TXNL4A: variants seen among roughly 807,000 people sequenced by gnomAD.
The protein encoded by TXNL4A is thioredoxin-like protein 4A.
TXNL4A carries 17 observed loss-of-function variants against 14.6 expected under a neutral mutation model. That is an observed-to-expected ratio of 1.16 (90% confidence interval 0.80 to 1.74). The LOEUF is 1.74. Ranked by LOEUF, TXNL4A falls within the 40% of genes most tolerant of loss-of-function variation. TXNL4A has a pLI of 0.00. For missense variants in TXNL4A, 74 were observed against 195.2 expected (o/e 0.38, Z 3.70); for synonymous variants, 83 against 70.6 (o/e 1.18, Z -0.88).
At chr18:79,985,996 A>G (rs1197457362) in intron 1 of TXNL4A, 1 of 152,206 alleles carries the variant, frequency 6.6e-6, no homozygotes, top group Non-Finnish European at 1.5e-5. Context: ...ATAGACTAAG[A>G]AGAAAATAAA....
chr18:80,026,461 T>G (rs1417693254), intron 1 of TXNL4A, among the ~76,000 whole-genome samples: 1 of 152,108 alleles, frequency 6.6e-6, no homozygotes, highest in Non-Finnish European at 1.5e-5. Context: ...TACAGGAGTT[T>G]CACGTCTCCA....
chr18:80,021,211 C>T lies in TXNL4A; in HGVS notation c.-61+12640G>A, dbSNP rs570317488. ...TTTTTTTTTGAGATGGAGTCTTGCT[C>T]TGTTGCCCAGGCTGGACTACAGTGC... On this transcript the variant is annotated intron_variant, in intron 1 of 2. Transcript: ENST00000585474. Among the ~76,000 whole-genome samples, 8 of 151,068 alleles carry T rather than the reference C, an allele frequency of 5.3e-5. No homozygotes were observed. In the East Asian group the frequency reaches 1.6e-3, roughly 29 times the overall value.
chr18:79,976,650 C>T (rs564114276), intron 2 of TXNL4A: 3 of 380,480 alleles, frequency 7.9e-6, no homozygotes, highest in East Asian at 8.1e-5. Flanking sequence ...CTGCTCAATG[C>T]GTGCTAATTT....
chr18:79,999,530 C>A (rs1390788699), intron 1 of TXNL4A, among the ~76,000 whole-genome samples: 1 of 138,752 alleles, frequency 7.2e-6, no homozygotes, highest in African/African-American at 2.8e-5. Context: ...GAGTGAGACT[C>A]CATCTCAAAA....
intron 1 of TXNL4A, among the ~76,000 whole-genome samples, chr18:80,029,131 A>G (rs753008341): frequency 6.6e-6 from 1 of 152,240 alleles, no homozygotes; most frequent in African/African-American, 2.4e-5. Flanking sequence ...ACTGAAATAC[A>G]GTGTGGACCT....
chr18:80,007,006 A>G (rs974165584), intron 1 of TXNL4A, among the ~76,000 whole-genome samples: 5 of 152,212 alleles, frequency 3.3e-5, no homozygotes, highest in African/African-American at 9.6e-5. Flanking sequence ...CATGTTGAAC[A>G]TACTTGGCTT....
intron 1 of TXNL4A, among the ~76,000 whole-genome samples, chr18:80,025,356 T>C (rs569785693): frequency 6.8e-4 from 103 of 152,334 alleles, no homozygotes; most frequent in Non-Finnish European, 1.2e-3. Context: ...ACACTCCCAC[T>C]GTACCCTGAC....
Position 80,013,423 on chromosome 18 carries a change from A to T in TXNL4A, c.-61+20428T>A, listed in dbSNP as rs202096355. On this transcript the variant is annotated intron_variant, in intron 1 of 2. Coordinates refer to the TXNL4A transcript ENST00000585474. ...GGCGTGAGCCACCACACCTGGCCCCATTAAATATTTTATTATTATTATTAT... is the reference window on the plus strand; with the variant it reads ...GGCGTGAGCCACCACACCTGGCCCCTTTAAATATTTTATTATTATTATTAT... Among the ~76,000 whole-genome samples, 5 of 144,502 alleles carry T rather than the reference A, an allele frequency of 3.5e-5. No individual in the cohort carries two copies. In the East Asian group the frequency reaches 1.0e-3, roughly 30 times the overall value. 94.8% of individuals were successfully genotyped at this position (144,502 alleles called of 152,430 possible).
intron 1 of TXNL4A, among the ~76,000 whole-genome samples, chr18:80,028,861 G>A (rs186436498): frequency 6.6e-5 from 10 of 152,322 alleles, no homozygotes; most frequent in Admixed American, 5.2e-4. Context: ...ATGTATCAGA[G>A]CTGTTAGAAG....
intron 2 of TXNL4A, among the ~76,000 whole-genome samples, chr18:79,974,613 G>A (rs1169728511): frequency 3.3e-5 from 5 of 152,144 alleles, no homozygotes; most frequent in South Asian, 2.1e-4. Flanking sequence ...TAAGTAACTG[G>A]GACCACAGGC....
intron 1 of TXNL4A, chr18:79,985,774 GAACA>G (rs1284803218): frequency 4.6e-5 from 7 of 152,136 alleles, no homozygotes. Context: ...AGTCCAGCCT[GAACA>G]TTTGCAACTG....
chr18:80,015,616 G>GT (rs1012718204), intron 1 of TXNL4A, among the ~76,000 whole-genome samples: 2 of 151,736 alleles, frequency 1.3e-5, no homozygotes, highest in African/African-American at 4.8e-5. Flanking sequence ...GCGGTGTTTG[G>GT]TTTTTTGTCC....
chr18:79,995,631 T>G (rs1392842294), intron 1 of TXNL4A, among the ~76,000 whole-genome samples: 1 of 152,194 alleles, frequency 6.6e-6, no homozygotes, highest in African/African-American at 2.4e-5. Context: ...CAGCCAGAAC[T>G]AATGAACTAG....
chr18:80,033,722 C>A lies in TXNL4A; in HGVS notation c.-61+129G>T, dbSNP rs866617885. The A allele has an allele frequency of 4.2e-4, 65 of 153,696 alleles. No homozygotes were observed. The Middle Eastern group carries it at 0.02, about 48-fold the overall frequency. The allele number at this position is 153,696 out of a possible 1,614,324, so 9.5% of individuals were successfully genotyped here. On this transcript the variant is annotated intron_variant, in intron 1 of 2. Coordinates refer to the TXNL4A transcript ENST00000585474. The stretch of plus-strand genomic sequence containing the variant: ...GCGCCAGGCAACCAGGCGGTTCCCA[C>A]GCTTCCCCGAGTGGCACACCCTCCG...
At chr18:79,993,218 TA>T (rs1254072459), upstream of TXNL4A, among the ~76,000 whole-genome samples, 1 of 152,162 alleles carries the variant, frequency 6.6e-6, no homozygotes, top group African/African-American at 2.4e-5. The surrounding 1 kb of genome is among the most constrained non-coding windows in gnomAD (Gnocchi z 4.4). Context: ...CCTTGTAGCC[TA>T]AACTGGTAGG....
intron 1 of TXNL4A, among the ~76,000 whole-genome samples, chr18:79,980,785 C>T (rs777413290): frequency 1.1e-4 from 17 of 152,128 alleles, no homozygotes; most frequent in Admixed American, 5.2e-4. Flanking sequence ...GCATGCAACT[C>T]GCCATCCATG....
upstream of TXNL4A, among the ~76,000 whole-genome samples, chr18:79,989,742 C>T (rs988811862): frequency 1.3e-5 from 2 of 152,198 alleles, no homozygotes; most frequent in Admixed American, 6.5e-5. Flanking sequence ...CGCCTGTAAT[C>T]CCAGCACTTT....
rs2051885005 is a variant in TXNL4A at position 80,026,453 on chromosome 18, C to G, written c.-61+7398G>C. Among the ~76,000 whole-genome samples the G allele has an allele frequency of 2.0e-5, 3 of 152,204 alleles. No homozygotes were observed. In the South Asian group the frequency reaches 6.2e-4, roughly 32 times the overall value. ...AGACTAGGGGTGCTCCGAGAAAGTA[C>G]AGGAGTTTCACGTCTCCAAATATTC... On this transcript the variant is annotated intron_variant, in intron 1 of 2. Transcript: ENST00000585474.
At chr18:80,005,699 G>C (rs1568376113) in intron 1 of TXNL4A, among the ~76,000 whole-genome samples, 1 of 152,042 alleles carries the variant, frequency 6.6e-6, no homozygotes, top group Non-Finnish European at 1.5e-5. Flanking sequence ...CAGATCACTT[G>C]AGGTCAGAAG....
Sources: allele counts gnomAD v4.1 joint callset (sites outside exome capture counted in the v4.1 genomes callset), GRCh38; gene constraint gnomAD v4.1.1; non-coding constraint Gnocchi (gnomAD v3.1); transcripts MANE v1.5; gene names NCBI Gene and HGNC (gene_info 2026-07-23, HGNC 2026-07-21).